PRH1: variants seen among roughly 807,000 people sequenced by gnomAD.
PRH1 encodes the protein proline rich protein HaeIII subfamily 1, also known as salivary acidic proline-rich phosphoprotein 1/2.
A neutral mutation model predicts 7.9 loss-of-function variants in PRH1; 7 were observed. That is an observed-to-expected ratio of 0.89 (90% confidence interval 0.50 to 1.67). PRH1 has a LOEUF of 1.67. PRH1 is among the 40% of genes most tolerant of loss of function. The pLI, the probability that PRH1 is intolerant of heterozygous loss-of-function variation, is 0.00. For synonymous variants in PRH1, 45 were observed against 80.8 expected (o/e 0.56, Z 2.38); for missense variants, 109 against 223.6 (o/e 0.49, Z 3.27).
At chr12:10,911,099 C>A (rs1949893105) in intron 2 of PRH1, among the ~76,000 whole-genome samples, 1 of 152,056 alleles carries the variant, frequency 6.6e-6, no homozygotes, top group African/African-American at 2.4e-5. Flanking sequence ...TGTGGTCTTC[C>A]ATTTGCATTC....
rs1945059326 is a variant in PRH1 at position 11,095,841 on chromosome 12, T to C, written n.124-48653A>G. ...AATAATAATAATAATTTTTCTTTTA[T>C]CTGAAAAGATATATTTTAAATTTCT... On this transcript the variant is annotated intron_variant and non_coding_transcript_variant, in intron 1 of 4. Coordinates refer to the PRH1 transcript ENST00000541977. 1.7e-5 allele frequency among the ~76,000 whole-genome samples: 2 copies of C among 115,980 alleles called. 1 individual carries two copies. Among genetic ancestry groups the C allele is most frequent in the Non-Finnish European group, 4.1e-5 (2 of 49,148 alleles). The allele number at this position is 115,980 out of a possible 152,430, so 76.1% of individuals were successfully genotyped here.
intron 1 of PRH1, among the ~76,000 whole-genome samples, chr12:11,126,991 A>C (rs796963684): frequency 8.0e-6 from 1 of 124,628 alleles, no homozygotes; most frequent in Admixed American, 8.5e-5. Flanking sequence ...ATACCAATGG[A>C]CAAGTTTCCC....
chr12:11,149,791 A>G (rs1466023905), intron 1 of PRH1, among the ~76,000 whole-genome samples: 1 of 138,122 alleles, frequency 7.2e-6, no homozygotes, highest in African/African-American at 2.6e-5. Flanking sequence ...ACCAAAAGCA[A>G]TGGCAACAAA....
rs776879954 is a variant in PRH1, at chr12:10,970,216, C to G, written c.-59+3439G>C. ...CACATTTAACTTTCTGGTTTTTTCT[C>G]TAATAGAGAGCCAAAAAATTATAGC... On this transcript the variant is annotated intron_variant, in intron 2 of 3. Transcript: ENST00000539853. Among the ~76,000 whole-genome samples, 83 of 152,110 alleles carry G rather than the reference C, an allele frequency of 5.5e-4. 1 individual carries two copies. Among genetic ancestry groups the G allele is most frequent in the South Asian group, 4.1e-4 (2 of 4,834 alleles).
chr12:10,957,710 A>G (rs1170032278), intron 2 of PRH1, among the ~76,000 whole-genome samples: 1 of 152,192 alleles, frequency 6.6e-6, no homozygotes, highest in Non-Finnish European at 1.5e-5. Flanking sequence ...AGGAATTTAC[A>G]TTTACAAGCA....
At chr12:11,027,987 A>T (rs994515325) in intron 1 of PRH1, among the ~76,000 whole-genome samples, 5 of 152,172 alleles carry the variant, frequency 3.3e-5, no homozygotes, top group African/African-American at 1.2e-4. Context: ...CCATGACTGG[A>T]GGGTATGAGC....
intron 1 of PRH1, among the ~76,000 whole-genome samples, chr12:11,122,545 G>C (rs1204476852): frequency 6.6e-6 from 1 of 152,282 alleles, no homozygotes; most frequent in Non-Finnish European, 1.5e-5. Context: ...AATAGTTGGA[G>C]AATGTCAAAG....
chr12:10,939,164 A>G, intron 2 of PRH1: 1 of 1,599,906 alleles, frequency 6.3e-7, no homozygotes, highest in Non-Finnish European at 8.5e-7. Flanking sequence ...TATAAATTCC[A>G]CAATTAAAAC....
At chr12:11,143,249 G>T (rs1023646045) in intron 1 of PRH1, among the ~76,000 whole-genome samples, 3 of 152,306 alleles carry the variant, frequency 2.0e-5, no homozygotes, top group South Asian at 2.1e-4. Flanking sequence ...GTTTGTGCTT[G>T]TTTGTTTGCT....
chr12:10,932,234 TAAG>T (rs772050485), intron 2 of PRH1: 3 of 438,298 alleles, frequency 6.8e-6, no homozygotes, highest in Non-Finnish European at 9.4e-6. Flanking sequence ...AGGAAGTGAA[TAAG>T]AAGATGACAG....
chr12:10,909,281 C>T (rs560091714), intron 2 of PRH1: 23 of 1,612,096 alleles, frequency 1.4e-5, no homozygotes, highest in Non-Finnish European at 1.7e-5. Context: ...TGAAGATACT[C>T]GGCAGGGCAC....
chr12:10,990,343 T>C (rs561194890), intron 1 of PRH1, among the ~76,000 whole-genome samples: 2 of 152,138 alleles, frequency 1.3e-5, no homozygotes, highest in East Asian at 1.9e-4. Context: ...GATTCAGTGA[T>C]GTTTGATGAG....
intron 2 of PRH1, among the ~76,000 whole-genome samples, chr12:10,919,441 T>C (rs1041998735): frequency 6.6e-6 from 1 of 152,194 alleles, no homozygotes; most frequent in Admixed American, 6.5e-5. Context: ...GATTATATTA[T>C]TTTTATCAGC....
intron 1 of PRH1, among the ~76,000 whole-genome samples, chr12:11,137,843 G>C (rs1213473785): frequency 6.6e-6 from 1 of 152,122 alleles, no homozygotes; most frequent in Non-Finnish European, 1.5e-5. Flanking sequence ...TGTGGATATA[G>C]ATAATGATAA....
intron 2 of PRH1, chr12:10,896,831 C>A (rs1431940901): frequency 6.6e-6 from 1 of 151,284 alleles, no homozygotes; most frequent in East Asian, 2.0e-4. Flanking sequence ...GGCACTTCTT[C>A]TATTGATATC....
chr12:11,171,462 C>T (rs1450644654), upstream of PRH1: 2 of 1,232,166 alleles, frequency 1.6e-6, no homozygotes, highest in Non-Finnish European at 2.0e-6. Context: ...CCGCACCCTG[C>T]TCGCCTTCTT....
chr12:11,087,757 C>A (rs1188370496), intron 1 of PRH1, among the ~76,000 whole-genome samples: 21 of 107,130 alleles, frequency 2.0e-4, no homozygotes, highest in East Asian at 4.7e-4. Context: ...TCTACCAAAA[C>A]CAGATGGATT....
chr12:10,939,944 T>G (rs1346019643), intron 2 of PRH1, among the ~76,000 whole-genome samples: 1 of 152,188 alleles, frequency 6.6e-6, no homozygotes, highest in Non-Finnish European at 1.5e-5. Context: ...CACATAGTAG[T>G]CATAAATCAT....
chr12:11,002,503 C>T (rs1940641609), intron 1 of PRH1, among the ~76,000 whole-genome samples: 1 of 152,012 alleles, frequency 6.6e-6, no homozygotes, highest in Non-Finnish European at 1.5e-5. Flanking sequence ...AGAGTATTCT[C>T]CTTTGGGCTG....
Sources: gnomAD v4.1 joint callset for allele counts (sites outside exome capture counted in the v4.1 genomes callset) on GRCh38, gnomAD v4.1.1 for gene constraint, MANE v1.5 for transcripts, NCBI Gene and HGNC (gene_info 2026-07-23, HGNC 2026-07-21) for gene names.